The following RYR2 variants were observed in gnomAD, a reference collection of about 807,000 sequenced individuals.
RYR2 encodes the protein ryanodine receptor 2.
In RYR2, 227 loss-of-function variants were observed where a neutral mutation model predicts 601.1. The ratio of observed to expected loss-of-function variants is 0.38; its 90% CI spans 0.34 to 0.42. The LOEUF (loss-of-function observed/expected upper bound fraction) is 0.42, where lower values mean the gene tolerates loss of function less well. RYR2 is among the 10% of genes least tolerant of loss of function. The pLI is 1.00. For missense variants in RYR2, 4,646 were observed against 6,156.5 expected (o/e 0.75, Z 8.21); for synonymous variants, 2,223 against 2,175.1 (o/e 1.02, Z -0.61).
At chr1:237,247,013 A>C in intron 1 of RYR2, among the ~76,000 whole-genome samples, 1 of 152,202 alleles carries the variant, frequency 6.6e-6, no homozygotes, top group Non-Finnish European at 1.5e-5. Context: ...GCGAGTGGCT[A>C]TTGCTATTAA....
At chr1:237,806,922 C>A (rs1309247565) in intron 99 of RYR2, among the ~76,000 whole-genome samples, 1 of 152,178 alleles carries the variant, frequency 6.6e-6, no homozygotes, top group Admixed American at 6.5e-5. Context: ...GAAGTGTGCA[C>A]TGATCCGTTC....
At chr1:237,239,114 T>A (rs1211924809) in intron 1 of RYR2, among the ~76,000 whole-genome samples, 1 of 152,222 alleles carries the variant, frequency 6.6e-6, no homozygotes, top group Non-Finnish European at 1.5e-5. Context: ...CATCTCTATA[T>A]ATGCATATTT....
intron 10 of RYR2, among the ~76,000 whole-genome samples, chr1:237,411,542 C>T (rs540287310): frequency 2.0e-4 from 30 of 152,138 alleles, no homozygotes; most frequent in African/African-American, 6.5e-4. Context: ...AAATTATGAC[C>T]ACAATCATGG....
chr1:237,663,697 C>T (rs1015401868), intron 56 of RYR2, among the ~76,000 whole-genome samples: 5 of 152,196 alleles, frequency 3.3e-5, no homozygotes, highest in African/African-American at 1.2e-4. Flanking sequence ...AAAAGAATAA[C>T]TGGCATATAT....
Position 237,610,435 on chromosome 1 carries a change from C to T in RYR2, c.4684-327C>T, listed in dbSNP as rs546598477. Among the ~76,000 whole-genome samples the T allele has an allele frequency of 5.9e-5, 9 of 152,178 alleles. No individual in the cohort carries two copies. Among genetic ancestry groups the T allele is most frequent in the East Asian group, 3.9e-4 (2 of 5,164 alleles). ...GTCCCTAAAGACTTGCCAGCTTTCC[C>T]GGAGGTCCCAGCCTGGTAAAGAAAT... On this transcript the variant is annotated intron_variant, in intron 35 of 104. Transcript: ENST00000366574. This position sits in a 1 kb window ranked among gnomAD's most constrained non-coding sequence, Gnocchi z 4.9.
Position 237,503,361 on chromosome 1 carries a change from T to C in RYR2, c.2469T>C (p.Tyr823=). 1.2e-6 allele frequency: 2 copies of C among 1,613,970 alleles called. No individual in the cohort carries two copies. The highest frequency in any genetic ancestry group is 1.1e-5 in the South Asian group (1 of 91,084). The change falls in exon 22 of 105, where the codon TAT becomes TAC. Residue 823 remains tyrosine, a synonymous_variant. Coordinates refer to ENST00000366574, the MANE Select transcript of RYR2 (RefSeq NM_001035.3). ...FLPPPGYAPC[Y]EAVLPKEKLK... is the part of the protein sequence containing the mutation. Reference sequence around the variant, plus strand: ...CTCCACCTGGGTATGCTCCTTGTTATGAAGCTGTTCTGCCAAAAGAAAAGT... The same window carrying C: ...CTCCACCTGGGTATGCTCCTTGTTACGAAGCTGTTCTGCCAAAAGAAAAGT...
chr1:237,694,122 G>A (rs965713798), intron 63 of RYR2, among the ~76,000 whole-genome samples: 3 of 151,798 alleles, frequency 2.0e-5, no homozygotes, highest in Admixed American at 6.6e-5. Flanking sequence ...GTGAAACCCC[G>A]TCTCTGCTAA....
chr1:237,746,487 GA>G (rs1553309060), intron 80 of RYR2, among the ~76,000 whole-genome samples: 1 of 152,010 alleles, frequency 6.6e-6, no homozygotes, highest in Non-Finnish European at 1.5e-5. Flanking sequence ...AAAAAACATG[GA>G]AAACAAGGAA....
intron 17 of RYR2, among the ~76,000 whole-genome samples, chr1:237,486,069 A>C (rs1039305314): frequency 6.6e-6 from 1 of 152,190 alleles, no homozygotes; most frequent in African/African-American, 2.4e-5. Flanking sequence ...TTTAACAATT[A>C]GATTTAGGAA....
intron 24 of RYR2, among the ~76,000 whole-genome samples, chr1:237,526,139 A>G (rs952798122): frequency 6.6e-6 from 1 of 152,146 alleles, no homozygotes; most frequent in Non-Finnish European, 1.5e-5. Flanking sequence ...TCCTACTAAC[A>G]GTGTATAAGC....
intron 1 of RYR2, among the ~76,000 whole-genome samples, chr1:237,112,644 GC>G (rs1558255558): frequency 6.7e-6 from 1 of 150,056 alleles, no homozygotes; most frequent in Admixed American, 6.7e-5. Context: ...ACGACTTGAT[GC>G]TTTTTTGCTC....
chr1:237,143,309 C>T (rs1558310922), intron 1 of RYR2, among the ~76,000 whole-genome samples: 2 of 152,148 alleles, frequency 1.3e-5, no homozygotes, highest in African/African-American at 4.8e-5. Context: ...GTCAGGGTCC[C>T]GCCTGTATCT....
intron 12 of RYR2, among the ~76,000 whole-genome samples, chr1:237,437,341 C>A (rs774297914): frequency 2.0e-5 from 3 of 152,108 alleles, no homozygotes. Context: ...CGTGAGCCAC[C>A]GCGCCCAGCC....
intron 1 of RYR2, among the ~76,000 whole-genome samples, chr1:237,160,425 C>A (rs1478870001): frequency 5.3e-5 from 8 of 152,090 alleles, no homozygotes; most frequent in African/African-American, 1.9e-4. Flanking sequence ...AAGTGATGCT[C>A]TTTTCTATTA....
At position 237,454,417 on chromosome 1, in the gene RYR2, C is replaced by A. The variant is rs758904216; in HGVS notation, c.1319C>A (p.Ala440Glu). 6.2e-7 allele frequency: 1 copy of A among 1,610,936 alleles called. No homozygotes were observed. The highest frequency in any genetic ancestry group is 8.5e-7 in the Non-Finnish European group (1 of 1,178,442). The change falls in exon 15 of 105, where the codon GCG (alanine) becomes GAG (glutamate). Residue 440 changes from alanine (A) to glutamate (E), a missense_variant. Transcript: ENST00000366574. The stretch of plus-strand genomic sequence containing the variant: ...GGCCTTGATGCTCTCAGCAAGAAAG[C>A]GAAGGCTTCCACAGTCGATTTGCCT... ...IRGLDALSKK[A>E]KASTVDLPIE...
intron 22 of RYR2, among the ~76,000 whole-genome samples, chr1:237,504,776 A>C (rs1665040829): frequency 1.3e-5 from 2 of 152,106 alleles, no homozygotes; most frequent in Non-Finnish European, 2.9e-5. Flanking sequence ...TAAGCCCCCA[A>C]CCTTTTTGGC....
chr1:237,325,570 C>T (rs1696081439), intron 2 of RYR2, among the ~76,000 whole-genome samples: 1 of 151,984 alleles, frequency 6.6e-6, no homozygotes, highest in Non-Finnish European at 1.5e-5. Flanking sequence ...TGCCTGTAGT[C>T]CCAGCTACTC....
chr1:237,338,799 A>T (rs1697486709), intron 3 of RYR2, among the ~76,000 whole-genome samples: 1 of 152,220 alleles, frequency 6.6e-6, no homozygotes, highest in South Asian at 2.1e-4. Flanking sequence ...CAAAATGAAA[A>T]GAGTTAATGT....
At chr1:237,147,929 T>C (rs1441344004) in intron 1 of RYR2, among the ~76,000 whole-genome samples, 2 of 152,256 alleles carry the variant, frequency 1.3e-5, no homozygotes, top group Admixed American at 1.3e-4. Flanking sequence ...CTCCACTAGT[T>C]ACCTTGATTT....
Sources: allele counts gnomAD v4.1 joint callset (sites outside exome capture counted in the v4.1 genomes callset), GRCh38; gene constraint gnomAD v4.1.1; non-coding constraint Gnocchi (gnomAD v3.1); transcripts MANE v1.5; gene names NCBI Gene and HGNC (gene_info 2026-07-23, HGNC 2026-07-21).